The following RBM47 variants were observed in gnomAD, a reference collection of about 807,000 sequenced individuals.
The protein encoded by RBM47 is RNA-binding protein 47.
RBM47 carries 21 observed loss-of-function variants against 47.1 expected under a neutral mutation model. That is an observed-to-expected ratio of 0.45 (90% confidence interval 0.32 to 0.64). RBM47 has a LOEUF of 0.64. Among genes scored for constraint, RBM47 ranks in the 30% least tolerant of loss-of-function variants. RBM47 has a pLI of 0.05. For synonymous variants in RBM47, 375 were observed against 361.7 expected (o/e 1.04, Z -0.42); for missense variants, 708 against 870.9 (o/e 0.81, Z 2.35).
At chr4:40,510,040 A>G (rs1025225226) in intron 2 of RBM47, among the ~76,000 whole-genome samples, 2 of 151,898 alleles carry the variant, frequency 1.3e-5, no homozygotes, top group African/African-American at 2.4e-5. Context: ...ATACAAAATT[A>G]GCCAGGCATG....
chr4:40,613,140 C>G (rs1449168720), intron 1 of RBM47, among the ~76,000 whole-genome samples: 1 of 152,152 alleles, frequency 6.6e-6, no homozygotes, highest in Non-Finnish European at 1.5e-5. Flanking sequence ...AAGTGTCTCG[C>G]CATGAAGCTG....
In RBM47 at chr4:40,569,547, C is replaced by A. The variant is rs1333747269; in HGVS notation, c.-239-25041G>T. Among the ~76,000 whole-genome samples, 6 of 146,168 alleles carry A rather than the reference C, an allele frequency of 4.1e-5. No homozygotes were observed. The East Asian group carries it at 1.2e-3, about 30-fold the overall frequency. ...GCCTCAGCCTCCCGAGTAGCTGGGA[C>A]TACAGGCGCCCACCACCACACCCGG... On this transcript the variant is annotated intron_variant, in intron 1 of 6. Coordinates refer to ENST00000295971, the MANE Select transcript of RBM47 (RefSeq NM_001098634.2).
At chr4:40,431,623 G>C (rs4861001) in intron 6 of RBM47, among the ~76,000 whole-genome samples, 3 of 149,438 alleles carry the variant, frequency 2.0e-5, no homozygotes, top group Non-Finnish European at 4.4e-5. Context: ...GCGCCACTGC[G>C]CTCCAGCCTG....
rs113535072 is a variant in RBM47 at position 40,520,879 on chromosome 4, C to G, written c.-155+23543G>C. On this transcript the variant is annotated intron_variant, in intron 2 of 6. Coordinates refer to ENST00000295971, the MANE Select transcript of RBM47 (RefSeq NM_001098634.2). Reference sequence around the variant, plus strand: ...CTGCCTATCATGGGGACATCAACCGCTAGACCAGCAGTTCTCAAAGTGAGG... The same window carrying G: ...CTGCCTATCATGGGGACATCAACCGGTAGACCAGCAGTTCTCAAAGTGAGG... 7.1e-4 allele frequency among the ~76,000 whole-genome samples: 108 copies of G among 152,314 alleles called. 1 individual carries two copies. Among genetic ancestry groups the G allele is most frequent in the African/African-American group, 2.3e-3 (94 of 41,562 alleles).
intron 6 of RBM47, among the ~76,000 whole-genome samples, chr4:40,430,101 C>T (rs924243986): frequency 6.6e-6 from 1 of 150,860 alleles, no homozygotes; most frequent in Admixed American, 6.6e-5. Context: ...AGGCTGAGGC[C>T]GGAGAATCGC....
At chr4:40,465,002 A>C (rs569550113) in intron 3 of RBM47, among the ~76,000 whole-genome samples, 55 of 151,668 alleles carry the variant, frequency 3.6e-4, no homozygotes, top group African/African-American at 1.3e-3. Context: ...GCTTATGGGT[A>C]GATTTTGTTA....
intron 1 of RBM47, among the ~76,000 whole-genome samples, chr4:40,598,575 C>T (rs956163029): frequency 6.6e-6 from 1 of 151,530 alleles, no homozygotes; most frequent in African/African-American, 2.4e-5. Context: ...TAAAATGATG[C>T]TTTGTCTCAA....
intron 3 of RBM47, among the ~76,000 whole-genome samples, chr4:40,451,252 T>C (rs1715399990): frequency 1.3e-5 from 2 of 151,792 alleles, no homozygotes; most frequent in African/African-American, 4.8e-5. Context: ...TTTCAAGGGT[T>C]TGAGGTAAGT....
intron 2 of RBM47, among the ~76,000 whole-genome samples, chr4:40,526,124 T>TA (rs1316240768): frequency 1.3e-5 from 2 of 152,176 alleles, no homozygotes; most frequent in East Asian, 3.9e-4. Flanking sequence ...GTGAAAGCTG[T>TA]AAGTCAAGGA....
chr4:40,524,585 C>T (rs564234084), intron 2 of RBM47, among the ~76,000 whole-genome samples: 23 of 152,164 alleles, frequency 1.5e-4, no homozygotes, highest in Admixed American at 1.5e-3. Context: ...AATTGGCATT[C>T]GGACTCAGAA....
At chr4:40,583,310 AG>A (rs1471818670) in intron 1 of RBM47, among the ~76,000 whole-genome samples, 1 of 142,944 alleles carries the variant, frequency 7.0e-6, no homozygotes, top group Non-Finnish European at 1.5e-5. Flanking sequence ...GCTACTTGGG[AG>A]GCTGAGGCAC....
intron 2 of RBM47, among the ~76,000 whole-genome samples, chr4:40,525,322 T>C (rs1406350543): frequency 6.6e-6 from 1 of 152,062 alleles, no homozygotes; most frequent in Non-Finnish European, 1.5e-5. Context: ...AAAATACGAC[T>C]ATTAGCACAC....
intron 1 of RBM47, among the ~76,000 whole-genome samples, chr4:40,616,350 T>C (rs1469027990): frequency 1.6e-5 from 2 of 125,014 alleles, no homozygotes; most frequent in Admixed American, 1.8e-4. Context: ...CGAGACTCTG[T>C]CTCAAAAAAA....
At chr4:40,468,527 G>GT (rs1253859471) in intron 2 of RBM47, among the ~76,000 whole-genome samples, 5 of 152,158 alleles carry the variant, frequency 3.3e-5, no homozygotes. Context: ...TGGAGACACC[G>GT]TAAGACCTTT....
chr4:40,591,179 G>C (rs1033862011), intron 1 of RBM47, among the ~76,000 whole-genome samples: 1 of 152,134 alleles, frequency 6.6e-6, no homozygotes, highest in Non-Finnish European at 1.5e-5. Context: ...GTTGCCAGGG[G>C]CTGGGGGAAG....
chr4:40,584,125 C>T (rs1176225299), intron 1 of RBM47, among the ~76,000 whole-genome samples: 2 of 151,982 alleles, frequency 1.3e-5, no homozygotes, highest in African/African-American at 2.4e-5. Context: ...CAACATGCCC[C>T]GCTAATTTTT....
At chr4:40,463,178 G>T in intron 3 of RBM47, among the ~76,000 whole-genome samples, 1 of 152,138 alleles carries the variant, frequency 6.6e-6, no homozygotes, top group Admixed American at 6.5e-5. Context: ...TTATACATCC[G>T]CAAAGATATA....
At chr4:40,557,966 T>A (rs1730256643) in intron 1 of RBM47, among the ~76,000 whole-genome samples, 1 of 152,240 alleles carries the variant, frequency 6.6e-6, no homozygotes, top group East Asian at 1.9e-4. Context: ...TATTCTTTTT[T>A]AATGTGTACT....
chr4:40,431,880 A>C, intron 6 of RBM47, among the ~76,000 whole-genome samples: 1 of 151,890 alleles, frequency 6.6e-6, no homozygotes, highest in East Asian at 1.9e-4. Flanking sequence ...ACAGGGTCTC[A>C]CTCTGTTGCC....
Sources: allele counts gnomAD v4.1 joint callset (sites outside exome capture counted in the v4.1 genomes callset), GRCh38; gene constraint gnomAD v4.1.1; transcripts MANE v1.5; gene names NCBI Gene and HGNC (gene_info 2026-07-23, HGNC 2026-07-21).